The following RPL6 variants were observed in gnomAD, a reference collection of about 807,000 sequenced individuals.
RPL6 encodes ribosomal protein L6.
Under a neutral mutation model 32.1 loss-of-function variants are expected in RPL6, and 1 was observed. The observed-to-expected ratio is 0.03, with a 90% CI of 0.01 to 0.15. The LOEUF is 0.15. Ranked by LOEUF, RPL6 falls within the 10% of genes least tolerant of loss-of-function variation. The pLI is 1.00. For synonymous variants in RPL6, 126 were observed against 131.6 expected, an observed-to-expected ratio of 0.96 and a Z score of 0.29; for missense variants, 275 against 354.6, an observed-to-expected ratio of 0.78 and a Z score of 1.80.
upstream of RPL6, chr12:112,409,703 C>G (rs2037303016): frequency 5.2e-6 from 2 of 387,966 alleles, no homozygotes; most frequent in South Asian, 1.4e-4. Context: ...AGTATTTCCC[C>G]GTTAAGAAAA....
chr12:112,406,500 AG>A, intron 4 of RPL6, 158 bp from the exon 5 acceptor site: 1 of 775,312 alleles, frequency 1.3e-6, no homozygotes, highest in Non-Finnish European at 2.1e-6. Flanking sequence ...CTACTAAGGT[AG>A]TACTCCAGAC....
At chr12:112,410,886 CTT>C (rs1328083340), upstream of RPL6, among the ~76,000 whole-genome samples, 1 of 152,050 alleles carries the variant, frequency 6.6e-6, no homozygotes, top group Non-Finnish European at 1.5e-5. Context: ...ACTGTTAGCT[CTT>C]GTTATTGTCA....
chr12:112,406,519 C>T, intron 4 of RPL6, 177 bp from the exon 5 acceptor site: 7 of 797,216 alleles, frequency 8.8e-6, no homozygotes, highest in South Asian at 1.8e-5. Context: ...GACATAAACA[C>T]GTTTTTGAGT....
rs1429639522 is a variant in RPL6 at position 112,418,788 on chromosome 12, C to A, written c.-289G>T. ...CTTTGGACACTGTGCGTGGCGCCTC[C>A]GCGGAGCCCCCGCGCTGCCATTCCC... On this transcript the variant is annotated 5_prime_UTR_variant, in exon 1 of 6. Coordinates refer to the RPL6 transcript ENST00000551291. 2.0e-5 allele frequency: 9 copies of A among 445,482 alleles called. No homozygotes were observed. The East Asian group carries it at 3.7e-4, about 18-fold the overall frequency. 27.6% of individuals were successfully genotyped at this position (445,482 alleles called of 1,614,324 possible). A position where few individuals can be genotyped will look rare whatever the true frequency, so the allele number is the denominator to read the frequency against.
intron 1 of RPL6, chr12:112,408,917 A>G: frequency 2.3e-6 from 1 of 443,500 alleles, no homozygotes; most frequent in Non-Finnish European, 4.0e-6. Context: ...TTTTTGCCAA[A>G]TACTGAGCGG....
At chr12:112,417,301 G>A (rs922323757) in intron 1 of RPL6, among the ~76,000 whole-genome samples, 39 of 150,778 alleles carry the variant, frequency 2.6e-4, no homozygotes, top group African/African-American at 9.5e-4. Flanking sequence ...CAAGTGATCT[G>A]CTCTCCTTGG....
At chr12:112,406,672 C>T (rs2037177872) in intron 4 of RPL6, 75 bp downstream of exon 4, 1 of 1,567,014 alleles carries the variant, frequency 6.4e-7, no homozygotes, top group Non-Finnish European at 8.7e-7. Flanking sequence ...GAAAAGTACA[C>T]CTAGCGTGCA....
chr12:112,406,684 A>G (rs2037178186), intron 4 of RPL6, 63 bp downstream of exon 4: 4 of 1,596,586 alleles, frequency 2.5e-6, no homozygotes, highest in Admixed American at 1.7e-5. Flanking sequence ...TAGCGTGCAA[A>G]CGCATTGCCA....
chr12:112,415,163 C>A (rs559049995), upstream of RPL6, among the ~76,000 whole-genome samples: 4 of 152,096 alleles, frequency 2.6e-5, no homozygotes, highest in Non-Finnish European at 5.9e-5. Flanking sequence ...AAAGGCTCTA[C>A]GCTGGGAAAG....
chr12:112,413,553 T>TA (rs2037364399), upstream of RPL6, among the ~76,000 whole-genome samples: 1 of 152,078 alleles, frequency 6.6e-6, no homozygotes, highest in South Asian at 2.1e-4. Context: ...AGTAAATAAA[T>TA]AATAATAATA....
intron 1 of RPL6, among the ~76,000 whole-genome samples, chr12:112,418,200 G>T (rs1253295470): frequency 1.3e-5 from 2 of 151,356 alleles, no homozygotes; most frequent in African/African-American, 2.4e-5. Context: ...GGATGGTCTC[G>T]ATCTCTTGAC....
At chr12:112,417,323 G>A (rs1266665506) in intron 1 of RPL6, among the ~76,000 whole-genome samples, 1 of 151,590 alleles carries the variant, frequency 6.6e-6, no homozygotes, top group Non-Finnish European at 1.5e-5. Context: ...CTCCCAAAGT[G>A]CTGGGATTAC....
chr12:112,417,151 C>T (rs901609935), intron 1 of RPL6, among the ~76,000 whole-genome samples: 2 of 152,100 alleles, frequency 1.3e-5, no homozygotes, highest in African/African-American at 2.4e-5. Context: ...TCTGCCTGTC[C>T]GGTTCAAGCA....
At chr12:112,409,301 G>A (rs1371109789) in intron 1 of RPL6, 3 of 392,346 alleles carry the variant, frequency 7.6e-6, no homozygotes, top group Non-Finnish European at 1.3e-5. Flanking sequence ...CCGTCTCCCC[G>A]CTTCCTCTAA....
At chr12:112,407,683 G>C (rs2037215034) in intron 3 of RPL6, 1 of 154,778 alleles carries the variant, frequency 6.5e-6, no homozygotes, top group Admixed American at 6.4e-5. Flanking sequence ...ATGTTCTATA[G>C]AACAGGCTAT....
At chr12:112,418,830 T>C in exon 1 of RPL6, 1 of 493,246 alleles carries the variant, frequency 2.0e-6, no homozygotes. Context: ...CGCTCGGTCC[T>C]CCGCTGACGG....
upstream of RPL6, among the ~76,000 whole-genome samples, chr12:112,415,118 G>A (rs2037389512): frequency 6.6e-6 from 1 of 152,134 alleles, no homozygotes; most frequent in South Asian, 2.1e-4. Context: ...AGGACAGTCA[G>A]GAAGAACCCT....
intron 1 of RPL6, among the ~76,000 whole-genome samples, chr12:112,417,206 C>T (rs765556376): frequency 2.0e-5 from 3 of 152,022 alleles, no homozygotes; most frequent in Non-Finnish European, 4.4e-5. Context: ...TACAGGTGTG[C>T]GCCACCAAGC....
At chr12:112,416,871 A>C (rs1326922020) in intron 1 of RPL6, among the ~76,000 whole-genome samples, 1 of 152,226 alleles carries the variant, frequency 6.6e-6, no homozygotes, top group Non-Finnish European at 1.5e-5. Context: ...AATGGCTCTT[A>C]TGTGAATTAA....
Sources: allele counts gnomAD v4.1 joint callset (sites outside exome capture counted in the v4.1 genomes callset), GRCh38; gene constraint gnomAD v4.1.1; transcripts MANE v1.5; gene names NCBI Gene and HGNC (gene_info 2026-07-23, HGNC 2026-07-21).